The following GLG1 variants were observed in gnomAD, a reference collection of about 807,000 sequenced individuals.
The protein encoded by GLG1 is golgi glycoprotein 1, also known as Golgi apparatus protein 1.
A neutral mutation model predicts 160.5 loss-of-function variants in GLG1; 38 were observed. The ratio of observed to expected loss-of-function variants is 0.24; its 90% CI spans 0.18 to 0.31. The LOEUF is 0.31. Ranked by LOEUF, GLG1 falls within the 10% of genes least tolerant of loss-of-function variation. The probability of loss-of-function intolerance (pLI) is 1.00; values close to 1 mark genes in which losing one functional copy is unlikely to be tolerated. For missense variants in GLG1, 1,373 were observed against 1,505.2 expected, an observed-to-expected ratio of 0.91 and a Z score of 1.45; for synonymous variants, 644 against 543.4, an observed-to-expected ratio of 1.19 and a Z score of -2.57.
intron 22 of GLG1, chr16:74,461,735 T>C (rs1567456970): frequency 6.1e-6 from 1 of 164,088 alleles, no homozygotes; most frequent in African/African-American, 2.4e-5. Context: ...CCTCCCAAAG[T>C]GTTGGGATTA....
chr16:74,477,977 A>AAAAACAAACAAAT (rs55773213), intron 11 of GLG1, among the ~76,000 whole-genome samples: 2 of 140,148 alleles, frequency 1.4e-5, no homozygotes, highest in African/African-American at 5.2e-5. Flanking sequence ...CCGTCTCAAA[A>AAAAACAAACAAAT]AAATAAATAA....
intron 1 of GLG1, among the ~76,000 whole-genome samples, chr16:74,569,861 C>CAA (rs77923851): frequency 3.9e-5 from 3 of 76,408 alleles, no homozygotes; most frequent in South Asian, 4.5e-4. Context: ...AACTCCAACT[C>CAA]AAAAAAAAAA....
chr16:74,596,016 G>A lies in GLG1; in HGVS notation c.438+10641C>T, dbSNP rs142478820. On this transcript the variant is annotated intron_variant, in intron 1 of 25. Coordinates refer to ENST00000422840, the MANE Select transcript of GLG1 (RefSeq NM_001145667.2). ...CACATGCCCATAGTCGCAGCCACTCGGGAGGCTGAGGCAGGAGAATTGCTC... is the reference window on the plus strand; with the variant it reads ...CACATGCCCATAGTCGCAGCCACTCAGGAGGCTGAGGCAGGAGAATTGCTC... 9.4e-3 allele frequency among the ~76,000 whole-genome samples: 1,432 copies of A among 151,986 alleles called. 12 individuals are homozygous for A. The highest frequency in any genetic ancestry group is 0.016 in the Non-Finnish European group (1,095 of 67,944).
intron 1 of GLG1, among the ~76,000 whole-genome samples, chr16:74,549,091 A>G (rs2018128115): frequency 6.6e-6 from 1 of 152,202 alleles, no homozygotes; most frequent in Admixed American, 6.5e-5. Context: ...AATCTTATAC[A>G]TTCCTCTCTG....
intron 1 of GLG1, among the ~76,000 whole-genome samples, chr16:74,596,993 T>A (rs2143891694): frequency 6.6e-6 from 1 of 151,962 alleles, no homozygotes; most frequent in East Asian, 1.9e-4. Context: ...GTATGGTTAC[T>A]ACTAAGGAGG....
intron 13 of GLG1, among the ~76,000 whole-genome samples, chr16:74,473,509 G>A (rs949681591): frequency 7.4e-6 from 1 of 136,038 alleles, no homozygotes; most frequent in African/African-American, 2.8e-5. Flanking sequence ...GCGTGATCTC[G>A]GCTCACTGGA....
chr16:74,480,724 G>T (rs1383884769), intron 10 of GLG1, among the ~76,000 whole-genome samples: 2 of 151,772 alleles, frequency 1.3e-5, no homozygotes, highest in Non-Finnish European at 2.9e-5. Flanking sequence ...GCTCTTTTTT[G>T]ATATTTTTGG....
rs1400701883 is a variant in GLG1 at position 74,540,036 on chromosome 16, T to TTATA, written c.439-7887_439-7884dup. Among the ~76,000 whole-genome samples, 97 of 17,658 alleles carry TTATA rather than the reference T, an allele frequency of 5.5e-3. 37 individuals carry two copies. Among genetic ancestry groups the TTATA allele is most frequent in the African/African-American group, 0.024 (97 of 3,978 alleles). 11.6% of individuals were successfully genotyped at this position (17,658 alleles called of 152,430 possible). A position where few individuals can be genotyped will look rare whatever the true frequency, so the allele number is the denominator to read the frequency against. ...TTTATATATATATATTATATATATT[T>TTATA]TATATATATATTATATATATTTTAT... On this transcript the variant is annotated intron_variant, in intron 1 of 25. Coordinates refer to ENST00000422840, the MANE Select transcript of GLG1 (RefSeq NM_001145667.2).
chr16:74,499,982 G>A (rs1294231483), intron 4 of GLG1, among the ~76,000 whole-genome samples: 1 of 152,090 alleles, frequency 6.6e-6, no homozygotes, highest in Non-Finnish European at 1.5e-5. Context: ...CAGCCTGGGC[G>A]ACAGAGTGAG....
At chr16:74,521,769 T>C (rs1180468326) in intron 2 of GLG1, among the ~76,000 whole-genome samples, 2 of 152,178 alleles carry the variant, frequency 1.3e-5, no homozygotes, top group Non-Finnish European at 2.9e-5. Flanking sequence ...CCCTCCTCAA[T>C]GTAAGTCCTG....
At chr16:74,597,730 T>C (rs886206158) in intron 1 of GLG1, among the ~76,000 whole-genome samples, 14 of 151,878 alleles carry the variant, frequency 9.2e-5, no homozygotes, top group Non-Finnish European at 1.3e-4. Context: ...GGCGGGCGCC[T>C]GTAGTCCCAG....
At chr16:74,472,588 C>T (rs765044323) in intron 13 of GLG1, 177 bp from the exon 14 acceptor site, 47 of 1,492,988 alleles carry the variant, frequency 3.1e-5, no homozygotes, top group Admixed American at 4.0e-5. Context: ...ACTGCTCCTC[C>T]GTTATACTTT....
intron 2 of GLG1, among the ~76,000 whole-genome samples, chr16:74,520,574 T>G (rs1038850054): frequency 4.6e-5 from 7 of 152,028 alleles, no homozygotes; most frequent in African/African-American, 1.7e-4. Context: ...GGGCGGTGGT[T>G]GCAGTGAGCC....
chr16:74,472,115 A>G (rs2015229094), intron 14 of GLG1, among the ~76,000 whole-genome samples: 1 of 152,144 alleles, frequency 6.6e-6, no homozygotes, highest in Non-Finnish European at 1.5e-5. Flanking sequence ...CATGTTGCCC[A>G]GGCTGGTCTT....
At chr16:74,472,569 A>G in intron 13 of GLG1, 158 bp from the exon 14 acceptor site, 2 of 1,498,384 alleles carry the variant, frequency 1.3e-6, no homozygotes, top group Non-Finnish European at 8.9e-7. Flanking sequence ...GCCCCAGAAT[A>G]AATATAGAAC....
At chr16:74,536,033 A>T (rs1008204156) in intron 1 of GLG1, among the ~76,000 whole-genome samples, 10 of 152,274 alleles carry the variant, frequency 6.6e-5, no homozygotes, top group East Asian at 3.9e-4. Flanking sequence ...GAACTCGAGA[A>T]AGTAAATAAA....
intron 1 of GLG1, among the ~76,000 whole-genome samples, chr16:74,551,082 T>C (rs1023854978): frequency 1.8e-4 from 28 of 152,174 alleles, no homozygotes; most frequent in Non-Finnish European, 3.1e-4. Flanking sequence ...AGAATTCTAA[T>C]AACAATTTCA....
At chr16:74,604,298 T>C (rs990515204) in intron 1 of GLG1, among the ~76,000 whole-genome samples, 3 of 152,222 alleles carry the variant, frequency 2.0e-5, no homozygotes, top group Non-Finnish European at 2.9e-5. Flanking sequence ...AATGAACTGA[T>C]ATGTAGGCAC....
At chr16:74,471,776 G>A (rs1173389712) in intron 14 of GLG1, among the ~76,000 whole-genome samples, 2 of 152,142 alleles carry the variant, frequency 1.3e-5, no homozygotes, top group African/African-American at 4.8e-5. Flanking sequence ...GCATACTAAT[G>A]GGGGTTTCCC....
Sources: allele counts gnomAD v4.1 joint callset (sites outside exome capture counted in the v4.1 genomes callset), GRCh38; gene constraint gnomAD v4.1.1; transcripts MANE v1.5; gene names NCBI Gene and HGNC (gene_info 2026-07-23, HGNC 2026-07-21).